The following PRSS36 variants were observed in gnomAD, a reference collection of about 807,000 sequenced individuals.
PRSS36 encodes polyserase-2.
Under a neutral mutation model 94.3 loss-of-function variants are expected in PRSS36, and 90 were observed. The ratio of observed to expected loss-of-function variants is 0.95; its 90% CI spans 0.80 to 1.14. The LOEUF (loss-of-function observed/expected upper bound fraction) is 1.14. Ranked by LOEUF, PRSS36 falls within the 50% of genes most tolerant of loss-of-function variation. The pLI is 0.00. For synonymous variants in PRSS36, 500 were observed against 489.6 expected (o/e 1.02, Z -0.28); for missense variants, 1,158 against 1,135.0 (o/e 1.02, Z -0.29).
chr16:31,149,984 G>T lies in PRSS36; in HGVS notation c.37+15C>A, dbSNP rs1279537115. 6.2e-7 allele frequency: 1 copy of T among 1,613,732 alleles called. No homozygotes were observed. Among genetic ancestry groups the T allele is most frequent in the South Asian group, 1.1e-5 (1 of 91,038 alleles). On this transcript the variant is annotated intron_variant, in intron 1 of 14. Coordinates refer to ENST00000268281, the MANE Select transcript of PRSS36 (RefSeq NM_173502.5). ...ACCCAGGCCCTTTGCAGCCACTCTT[G>T]TCCCCTGAGGTTACCAAGCATCACA...
intron 14 of PRSS36, 22 bp downstream of exon 14, chr16:31,140,272 C>T: frequency 1.3e-6 from 2 of 1,590,166 alleles, no homozygotes; most frequent in Non-Finnish European, 1.7e-6. Flanking sequence ...CTGCCTACTC[C>T]AGGACGCCCA....
chr16:31,142,934 G>C lies in PRSS36; in HGVS notation c.1160C>G (p.Ser387Trp), dbSNP rs2057735661. 6.7e-7 allele frequency: 1 copy of C among 1,497,416 alleles called. No homozygotes were observed. Among genetic ancestry groups the C allele is most frequent in the Non-Finnish European group, 8.8e-7 (1 of 1,130,310 alleles). 92.8% of individuals were successfully genotyped at this position (1,497,416 alleles called of 1,614,324 possible). A position where few individuals can be genotyped will look rare whatever the true frequency, so the allele number is the denominator to read the frequency against. The stretch of plus-strand genomic sequence containing the variant: ...CGCCACCCGCTCCGCGCGCGGGCGC[G>C]AGGGCAGCAGCACGCGCCAGGCGTC... ...DLDAWRVLLP[S>W]RPRAERVARL... The change falls in exon 9 of 15, where the codon TCG becomes TGG. Residue 387 changes from serine to tryptophan, a missense_variant. By Grantham distance (177) the Ser-to-Trp change is radical. Coordinates refer to ENST00000268281, the MANE Select transcript of PRSS36 (RefSeq NM_173502.5).
At chr16:31,149,631 C>T (rs1425041199) in intron 2 of PRSS36, 65 bp downstream of exon 2, 3 of 1,609,896 alleles carry the variant, frequency 1.9e-6, no homozygotes, top group Non-Finnish European at 2.6e-6. Flanking sequence ...CCTGCCAGCA[C>T]CCATGCCAGT....
At chr16:31,141,362 T>C (rs755138775) in intron 12 of PRSS36, 107 bp downstream of exon 12, 119 of 1,399,572 alleles carry the variant, frequency 8.5e-5, no homozygotes, top group East Asian at 2.5e-4. Context: ...CAAGATCTCA[T>C]TGTTAATTTT....
intron 4 of PRSS36, 115 bp downstream of exon 4, chr16:31,148,958 C>T: frequency 8.1e-7 from 1 of 1,239,462 alleles, no homozygotes; most frequent in Non-Finnish European, 1.1e-6. Flanking sequence ...GCTTTGGGGA[C>T]AGCTTGGCTC....
chr16:31,149,800 TC>T (rs1567456697), intron 1 of PRSS36, 69 bp from the exon 2 acceptor site: 1 of 1,602,256 alleles, frequency 6.2e-7, no homozygotes, highest in Non-Finnish European at 8.5e-7. Flanking sequence ...CCTGACTCCC[TC>T]CCCCAGCCTC....
rs1000959864 is a variant in PRSS36, at chr16:31,139,471, C to T, written c.2290-55G>A. The T allele has an allele frequency of 1.0e-5, 16 of 1,569,572 alleles. 1 individual carries two copies. In the Middle Eastern group the frequency reaches 5.3e-4, roughly 52 times the overall value. On this transcript the variant is annotated intron_variant, in intron 14 of 14. Transcript: ENST00000268281. ...CTGCTGCCCTTCCTCTTGGTCCCCT[C>T]CCCCTTTCCCCAGGGTCTGGCCACG...
At chr16:31,147,489 G>A (rs1292111736) in intron 5 of PRSS36, among the ~76,000 whole-genome samples, 4 of 152,120 alleles carry the variant, frequency 2.6e-5, no homozygotes, top group East Asian at 1.9e-4. Context: ...GTCTGACCAC[G>A]GCTGATGTGG....
rs901071796 is a variant in PRSS36, at chr16:31,142,484, G to A, written c.1518C>T (p.Cys506=). 4.1e-6 allele frequency: 6 copies of A among 1,468,436 alleles called. No homozygotes were observed. Among genetic ancestry groups the A allele is most frequent in the Non-Finnish European group, 4.5e-6 (5 of 1,111,904 alleles). The allele number at this position is 1,468,436 out of a possible 1,614,324, so 91.0% of individuals were successfully genotyped here. A position where few individuals can be genotyped will look rare whatever the true frequency, so the allele number is the denominator to read the frequency against. The change falls in exon 10 of 15, where the codon TGC becomes TGT. Residue 506 remains cysteine (C), a synonymous_variant. Coordinates refer to ENST00000268281, the MANE Select transcript of PRSS36 (RefSeq NM_173502.5). Reference sequence around the variant, plus strand: ...GGGCCCCGCCCCCGCCGCTTACCCAGCAGCTGCCCACCTCCTCCTTTTCCT... The same window carrying A: ...GGGCCCCGCCCCCGCCGCTTACCCAACAGCTGCCCACCTCCTCCTTTTCCT... ...AYQEKEEVGS[C]WNDSRWSLLC...
chr16:31,140,990 T>G (rs999277524), intron 12 of PRSS36, among the ~76,000 whole-genome samples: 1 of 152,154 alleles, frequency 6.6e-6, no homozygotes, highest in Admixed American at 6.5e-5. Flanking sequence ...AGTGGCGCAA[T>G]CTTGGCTCAC....
chr16:31,139,654 C>T (rs1242393953), intron 14 of PRSS36, among the ~76,000 whole-genome samples: 2 of 151,860 alleles, frequency 1.3e-5, no homozygotes, highest in East Asian at 1.9e-4. Context: ...CCAAGGTGGG[C>T]GGATCATTTG....
In PRSS36 at chr16:31,142,479, AC is replaced by A; in HGVS notation, c.1521+1del. ...TCCGCGGGCCCCGCCCCCGCCGCTTACCCAGCAGCTGCCCACCTCCTCCTTT... is the reference window on the plus strand; with the variant it reads ...TCCGCGGGCCCCGCCCCCGCCGCTTACCAGCAGCTGCCCACCTCCTCCTTT... On this transcript the variant is annotated splice_donor_variant, in intron 10 of 14. Coordinates refer to ENST00000268281, the MANE Select transcript of PRSS36 (RefSeq NM_173502.5). LOFTEE classifies it high-confidence loss of function. The A allele has an allele frequency of 6.9e-7, 1 of 1,457,044 alleles. No homozygotes were observed. The highest frequency in any genetic ancestry group is 9.0e-7 in the Non-Finnish European group (1 of 1,105,962). 90.3% of individuals were successfully genotyped at this position (1,457,044 alleles called of 1,614,324 possible). A position where few individuals can be genotyped will look rare whatever the true frequency, so the allele number is the denominator to read the frequency against.
chr16:31,148,613 C>G lies in PRSS36; in HGVS notation c.335G>C (p.Gly112Ala). 3 of 1,612,076 alleles carry G rather than the reference C, an allele frequency of 1.9e-6. No homozygotes were observed. The highest frequency in any genetic ancestry group is 2.5e-6 in the Non-Finnish European group (3 of 1,179,504). ...SVLLGVHSQD[G>A]PLDGAHTRAV... ...GCGGGTGTGCGCGCCGTCCAGGGGCCCGTCCTGGGAGTGCACGCCCAGCAG... is the reference window on the plus strand; with the variant it reads ...GCGGGTGTGCGCGCCGTCCAGGGGCGCGTCCTGGGAGTGCACGCCCAGCAG... Residue 112 changes from glycine to alanine, a missense_variant, in exon 5 of 15, where the codon GGG (glycine) becomes GCG (alanine). Gly to Ala is a moderately conservative substitution (Grantham distance 60). Transcript: ENST00000268281.
At chr16:31,149,621 C>G (rs550138206) in intron 2 of PRSS36, 75 bp downstream of exon 2, 73 of 1,609,126 alleles carry the variant, frequency 4.5e-5, no homozygotes, top group Admixed American at 6.7e-5. Context: ...TTCAGCAACC[C>G]CTGCCAGCAC....
In PRSS36 at chr16:31,148,591, G is replaced by A. The variant is rs2057837607; in HGVS notation, c.357C>T (p.Thr119=). The change falls in exon 5 of 15, where the codon ACC becomes ACT. Residue 119 remains threonine, a synonymous_variant. Transcript: ENST00000268281. ...GCACCACGATGGCGGCCACTGCGCG[G>A]GTGTGCGCGCCGTCCAGGGGCCCGT... is the stretch of plus-strand genomic sequence containing the variant. The part of the protein sequence containing the change: ...SQDGPLDGAH[T]RAVAAIVVPA... The A allele has an allele frequency of 1.2e-6, 2 of 1,610,896 alleles. No individual in the cohort carries two copies. The highest frequency in any genetic ancestry group is 2.2e-5 in the East Asian group (1 of 44,824).
At position 31,143,360 on chromosome 16, in the gene PRSS36, G is replaced by A; in HGVS notation, c.1082C>T (p.Pro361Leu). 4 of 1,603,980 alleles carry A rather than the reference G, an allele frequency of 2.5e-6. No homozygotes were observed. Among genetic ancestry groups the A allele is most frequent in the Non-Finnish European group, 3.4e-6 (4 of 1,175,860 alleles). Residue 361 changes from proline to leucine, a missense_variant, in exon 8 of 15, where the codon CCT (proline) becomes CTT (leucine). Physicochemically the swap from Pro to Leu is moderately conservative, Grantham distance 98. Transcript: ENST00000268281. Reference protein sequence around the residue: ...ALVSESWVLAPASCFLDPNSS... With the variant: ...ALVSESWVLALASCFLDPNSS... The stretch of plus-strand genomic sequence containing the variant: ...CACTCACTCCAGAAAGCAGCTGGCA[G>A]GTGCCAAGACCCAGCTTTCAGACAC...
chr16:31,140,439 TC>T, intron 13 of PRSS36, 24 bp from the exon 14 acceptor site: 1 of 1,610,170 alleles, frequency 6.2e-7, no homozygotes, highest in Non-Finnish European at 8.5e-7. Flanking sequence ...ACAAAGTTGT[TC>T]CAGGGCTCTG....
At position 31,149,107 on chromosome 16, in the gene PRSS36, AG is replaced by A; in HGVS notation, c.237del (p.Ser80ProfsTer11). The stretch of plus-strand genomic sequence containing the variant: ...CAGTGAGCAGCGGAGAGGACCCAGG[AG>A]GGGGCGATGAGGGAGCCCCCGCAGA... ...GHICGGSLIA[P>X]SWVLSAAHCF... On this transcript the variant is annotated frameshift_variant, in exon 4 of 15. Transcript: ENST00000268281. LOFTEE classifies it high-confidence loss of function. 1.3e-6 allele frequency: 2 copies of A among 1,591,292 alleles called. No homozygotes were observed. Among genetic ancestry groups the A allele is most frequent in the Non-Finnish European group, 1.7e-6 (2 of 1,170,790 alleles).
rs1263015020 is a variant in PRSS36 at position 31,146,722 on chromosome 16, G to C, written c.554-767C>G. Among the ~76,000 whole-genome samples the C allele has an allele frequency of 4.6e-5, 7 of 152,212 alleles. No homozygotes were observed. The East Asian group carries it at 1.3e-3, about 29-fold the overall frequency. On this transcript the variant is annotated intron_variant, in intron 5 of 14. Transcript: ENST00000268281. The stretch of plus-strand genomic sequence containing the variant: ...GTCAAAGGCGCGGTGACTCACACCT[G>C]TAATTCCAGCACTTTGGGAGGCCGA...
Sources: allele counts gnomAD v4.1 joint callset (sites outside exome capture counted in the v4.1 genomes callset), GRCh38; gene constraint gnomAD v4.1.1; transcripts MANE v1.5; gene names NCBI Gene and HGNC (gene_info 2026-07-23, HGNC 2026-07-21).